The following PLD5 variants were observed in gnomAD, a reference collection of about 807,000 sequenced individuals.
The protein encoded by PLD5 is inactive phospholipase D5.
PLD5 carries 36 observed loss-of-function variants against 61.1 expected under a neutral mutation model. The observed-to-expected ratio is 0.59, with a 90% CI of 0.45 to 0.78. The LOEUF is 0.78. Among genes scored for constraint, PLD5 ranks in the 30% least tolerant of loss-of-function variants. The pLI, the probability that PLD5 is intolerant of heterozygous loss-of-function variation, is 0.00. For synonymous variants in PLD5, 243 were observed against 242.8 expected, an observed-to-expected ratio of 1.00 and a Z score of -0.01; for missense variants, 515 against 644.4, an observed-to-expected ratio of 0.80 and a Z score of 2.17.
chr1:242,384,682 G>A (rs1475236815), intron 1 of PLD5, among the ~76,000 whole-genome samples: 1 of 152,160 alleles, frequency 6.6e-6, no homozygotes, highest in African/African-American at 2.4e-5. Flanking sequence ...AATGTGATAC[G>A]ATCTCATTTG....
At chr1:242,276,700 C>T (rs540660438) in intron 3 of PLD5, among the ~76,000 whole-genome samples, 10 of 151,736 alleles carry the variant, frequency 6.6e-5, no homozygotes, top group Non-Finnish European at 1.2e-4. Context: ...GAGTTCAGTG[C>T]CACAGACCCA....
At chr1:242,258,912 C>G (rs1317526115) in intron 4 of PLD5, among the ~76,000 whole-genome samples, 1 of 151,540 alleles carries the variant, frequency 6.6e-6, no homozygotes, top group Non-Finnish European at 1.5e-5. Flanking sequence ...ATTTCTTGAT[C>G]ACTTGATTTC....
At chr1:242,453,375 C>G (rs543176588) in intron 1 of PLD5, among the ~76,000 whole-genome samples, 1 of 152,204 alleles carries the variant, frequency 6.6e-6, no homozygotes, top group African/African-American at 2.4e-5. Context: ...TTTGTTATAG[C>G]AGCCTAAATA....
At position 242,449,867 on chromosome 1, in the gene PLD5, G is replaced by A. The variant is rs577019456; in HGVS notation, c.189+74221C>T. Among the ~76,000 whole-genome samples the A allele has an allele frequency of 2.8e-4, 43 of 152,334 alleles. No individual in the cohort carries two copies. In the South Asian group the frequency reaches 8.7e-3, roughly 31 times the overall value. On this transcript the variant is annotated intron_variant, in intron 1 of 9. Transcript: ENST00000536534. The stretch of plus-strand genomic sequence containing the variant: ...AAGACGAGCGAAGAGGGGCAATGCT[G>A]ACGAGCACTCCATGGTTACAGCAGC...
chr1:242,267,323 G>T (rs1673748033), intron 3 of PLD5, among the ~76,000 whole-genome samples: 1 of 152,146 alleles, frequency 6.6e-6, no homozygotes, highest in Non-Finnish European at 1.5e-5. Flanking sequence ...ATCCAGCTGT[G>T]CTCTAGCCTG....
chr1:242,267,524 C>G lies in PLD5; in HGVS notation c.496-2076G>C, dbSNP rs750845636. On this transcript the variant is annotated intron_variant, in intron 3 of 9. Transcript: ENST00000536534. ...CTGTACTCCAAAAGCCTGGAGGAAG[C>G]CTCACCACAAACCAGGTATTCTGGT... 3.0e-4 allele frequency among the ~76,000 whole-genome samples: 45 copies of G among 152,156 alleles called. 1 individual carries two copies. The highest frequency in any genetic ancestry group is 4.6e-4 in the Non-Finnish European group (31 of 68,034).
intron 1 of PLD5, among the ~76,000 whole-genome samples, chr1:242,378,947 T>G (rs1018207552): frequency 1.3e-5 from 2 of 152,190 alleles, no homozygotes; most frequent in Non-Finnish European, 2.9e-5. Flanking sequence ...CCTTCCTACT[T>G]AGGTCTCTCC....
chr1:242,362,763 C>T (rs1661137937), intron 1 of PLD5, among the ~76,000 whole-genome samples: 1 of 152,116 alleles, frequency 6.6e-6, no homozygotes, highest in Non-Finnish European at 1.5e-5. Context: ...CATATATTTC[C>T]ATGTTCCTTA....
Position 242,237,095 on chromosome 1 carries a change from G to T in PLD5, c.608-16980C>A, listed in dbSNP as rs528516116. Among the ~76,000 whole-genome samples, 11 of 152,262 alleles carry T rather than the reference G, an allele frequency of 7.2e-5. 1 individual carries two copies. In the South Asian group the frequency reaches 2.3e-3, roughly 32 times the overall value. The stretch of plus-strand genomic sequence containing the variant: ...ATGTGTGATTGTGTTTTATGAGACT[G>T]CAGCTCAGGGGAATTCTCTTAAATT... On this transcript the variant is annotated intron_variant, in intron 4 of 9. Transcript: ENST00000536534.
At chr1:242,221,939 A>G (rs1188766047) in intron 4 of PLD5, among the ~76,000 whole-genome samples, 1 of 152,142 alleles carries the variant, frequency 6.6e-6, no homozygotes, top group African/African-American at 2.4e-5. Flanking sequence ...AAAACAGCAG[A>G]AACTTATCCT....
intron 5 of PLD5, among the ~76,000 whole-genome samples, chr1:242,163,506 G>GAATTA (rs1346757423): frequency 1.3e-5 from 2 of 152,108 alleles, no homozygotes; most frequent in Non-Finnish European, 2.9e-5. Context: ...TATTGTAATT[G>GAATTA]AATTAGAATT....
At chr1:242,158,159 A>G (rs554908127) in intron 5 of PLD5, among the ~76,000 whole-genome samples, 1 of 152,196 alleles carries the variant, frequency 6.6e-6, no homozygotes, top group East Asian at 1.9e-4. Context: ...CCCTTCCCCC[A>G]CCAAGCTCAA....
At chr1:242,130,852 T>G (rs922969744) in intron 5 of PLD5, among the ~76,000 whole-genome samples, 23 of 152,184 alleles carry the variant, frequency 1.5e-4, no homozygotes, top group Middle Eastern at 6.8e-3. Context: ...AGCTGGATAT[T>G]TATAGCTAAT....
intron 5 of PLD5, among the ~76,000 whole-genome samples, chr1:242,137,582 A>G (rs1230703600): frequency 7.9e-5 from 12 of 152,112 alleles, no homozygotes; most frequent in Non-Finnish European, 2.9e-5. Context: ...TTGTAGGGGG[A>G]AATGTGTTGA....
chr1:242,321,227 A>G (rs2149187464), intron 2 of PLD5, among the ~76,000 whole-genome samples: 1 of 151,574 alleles, frequency 6.6e-6, no homozygotes, highest in Non-Finnish European at 1.5e-5. Context: ...AAAAAAAAAT[A>G]ATGGAGAGTT....
At chr1:242,407,561 G>GTT (rs58679212) in intron 1 of PLD5, among the ~76,000 whole-genome samples, 23 of 130,316 alleles carry the variant, frequency 1.8e-4, no homozygotes, top group Admixed American at 4.5e-4. Flanking sequence ...TGGTTGTTTT[G>GTT]TTTTTTTTTT....
chr1:242,447,275 T>C (rs1384443454), intron 1 of PLD5, among the ~76,000 whole-genome samples: 2 of 152,216 alleles, frequency 1.3e-5, no homozygotes, highest in Non-Finnish European at 2.9e-5. Context: ...TGGTATAACA[T>C]CTAGCAAGTT....
chr1:242,512,382 T>C (rs1489439822), intron 1 of PLD5, among the ~76,000 whole-genome samples: 1 of 144,690 alleles, frequency 6.9e-6, no homozygotes, highest in Non-Finnish European at 1.5e-5. Flanking sequence ...ATCGTGCCAC[T>C]GCACTCCAGC....
intron 1 of PLD5, among the ~76,000 whole-genome samples, chr1:242,473,500 G>GA (rs886192496): frequency 2.0e-5 from 3 of 152,072 alleles, no homozygotes; most frequent in Non-Finnish European, 2.9e-5. Context: ...AATGCTATTA[G>GA]AAAAAAATGG....
Sources: allele counts gnomAD v4.1 joint callset (sites outside exome capture counted in the v4.1 genomes callset), GRCh38; gene constraint gnomAD v4.1.1; transcripts MANE v1.5; gene names NCBI Gene and HGNC (gene_info 2026-07-23, HGNC 2026-07-21).